ATRNL1: variants seen among roughly 807,000 people sequenced by gnomAD.
ATRNL1 encodes attractin-like protein 1.
Under a neutral mutation model 182.7 loss-of-function variants are expected in ATRNL1, and 95 were observed. That is an observed-to-expected ratio of 0.52 (90% CI 0.44 to 0.62). The LOEUF is 0.62. ATRNL1 is among the 20% of genes least tolerant of loss of function. The probability of loss-of-function intolerance (pLI) is 0.00; values close to 1 mark genes in which losing one functional copy is unlikely to be tolerated. For synonymous variants in ATRNL1, 576 were observed against 568.3 expected (o/e 1.01, Z -0.19); for missense variants, 1,471 against 1,679.5 (o/e 0.88, Z 2.17).
chr10:115,591,329 C>T (rs1184573659), intron 26 of ATRNL1, among the ~76,000 whole-genome samples: 2 of 152,034 alleles, frequency 1.3e-5, no homozygotes, highest in African/African-American at 4.8e-5. Flanking sequence ...AGAGTTACTC[C>T]AAAATTATGA....
intron 25 of ATRNL1, among the ~76,000 whole-genome samples, chr10:115,526,907 G>A (rs1554986708): frequency 6.6e-6 from 1 of 152,024 alleles, no homozygotes; most frequent in African/African-American, 2.4e-5. Context: ...TAACACCAGT[G>A]GTGTAGCCTT....
At position 115,786,801 on chromosome 10, in the gene ATRNL1, T is replaced by G. The variant is rs572075993; in HGVS notation, c.3903+59446T>G. ...ATATTAAGTTGCTATGGTGATAGTTTATTTATTTGACCTACTATCTGCATT... is the reference window on the plus strand; with the variant it reads ...ATATTAAGTTGCTATGGTGATAGTTGATTTATTTGACCTACTATCTGCATT... On this transcript the variant is annotated intron_variant, in intron 27 of 28. Transcript: ENST00000355044. 1.6e-3 allele frequency among the ~76,000 whole-genome samples: 244 copies of G among 152,310 alleles called. 11 individuals are homozygous for G. In the South Asian group the frequency reaches 0.049, roughly 31 times the overall value.
intron 19 of ATRNL1, among the ~76,000 whole-genome samples, chr10:115,389,405 C>T (rs549795926): frequency 1.2e-4 from 18 of 148,574 alleles, no homozygotes; most frequent in South Asian, 2.1e-4. Flanking sequence ...CCCAGCTACT[C>T]GGGAGGCTGA....
intron 26 of ATRNL1, among the ~76,000 whole-genome samples, chr10:115,663,908 T>G (rs569261469): frequency 2.6e-5 from 4 of 152,260 alleles, no homozygotes; most frequent in Admixed American, 1.3e-4. Flanking sequence ...ATTACTCCGA[T>G]GTAGCCAAAG....
At chr10:115,626,997 A>T (rs1455687284) in intron 26 of ATRNL1, among the ~76,000 whole-genome samples, 1 of 152,218 alleles carries the variant, frequency 6.6e-6, no homozygotes. Flanking sequence ...AAATATAATT[A>T]GGCACATAAA....
intron 20 of ATRNL1, among the ~76,000 whole-genome samples, chr10:115,403,212 A>T (rs1844654079): frequency 6.8e-6 from 1 of 146,834 alleles, no homozygotes; most frequent in Non-Finnish European, 1.5e-5. Context: ...TTAGATTTTT[A>T]AAAATAATGT....
At chr10:115,388,708 A>T (rs1843805385) in intron 19 of ATRNL1, among the ~76,000 whole-genome samples, 1 of 151,810 alleles carries the variant, frequency 6.6e-6, no homozygotes, top group Non-Finnish European at 1.5e-5. Context: ...TTTCTCTGTG[A>T]TGTGTTTCTC....
Position 115,628,386 on chromosome 10 carries a change from C to T in ATRNL1, c.3795+78850C>T, listed in dbSNP as rs188100229. On this transcript the variant is annotated intron_variant, in intron 26 of 28. Transcript: ENST00000355044. ...CATTTGTATATCTTTTTTGGAGAAA[C>T]GTCTATTCAAGTTCTTTGCCCATTT... is the stretch of plus-strand genomic sequence containing the variant. Among the ~76,000 whole-genome samples the T allele has an allele frequency of 8.8e-4, 134 of 152,004 alleles. 2 individuals carry two copies. The highest frequency in any genetic ancestry group is 2.8e-3 in the African/African-American group (117 of 41,478).
intron 26 of ATRNL1, among the ~76,000 whole-genome samples, chr10:115,620,445 C>T (rs1289132750): frequency 2.0e-5 from 3 of 152,262 alleles, no homozygotes; most frequent in East Asian, 1.9e-4. Flanking sequence ...AAAGGATGAT[C>T]GTTTTGCTTT....
At chr10:115,346,255 C>A (rs1342393519) in intron 19 of ATRNL1, among the ~76,000 whole-genome samples, 1 of 152,058 alleles carries the variant, frequency 6.6e-6, no homozygotes, top group Non-Finnish European at 1.5e-5. Context: ...TAAAAAATAG[C>A]TACCCACTCC....
chr10:115,326,932 T>C (rs1194627066), intron 18 of ATRNL1, among the ~76,000 whole-genome samples: 20 of 152,184 alleles, frequency 1.3e-4, no homozygotes, highest in African/African-American at 4.6e-4. Flanking sequence ...CAAAAATCAA[T>C]TGAAGATGGA....
chr10:115,867,524 A>C (rs1951465810), intron 28 of ATRNL1, among the ~76,000 whole-genome samples: 1 of 152,100 alleles, frequency 6.6e-6, no homozygotes, highest in African/African-American at 2.4e-5. Flanking sequence ...CTCTCACTGA[A>C]GTAGTCCTCT....
intron 28 of ATRNL1, among the ~76,000 whole-genome samples, chr10:115,942,485 C>T (rs951020964): frequency 2.0e-5 from 3 of 152,214 alleles, no homozygotes; most frequent in Non-Finnish European, 2.9e-5. Context: ...CCTTGACTCC[C>T]GCAACACTGC....
chr10:115,261,426 C>G (rs1209162377), intron 10 of ATRNL1, among the ~76,000 whole-genome samples: 6 of 151,840 alleles, frequency 4.0e-5, no homozygotes, highest in African/African-American at 1.5e-4. Context: ...GGAGGGAATC[C>G]TTATGATGAT....
chr10:115,366,981 C>G (rs1554946159), intron 19 of ATRNL1, among the ~76,000 whole-genome samples: 1 of 138,824 alleles, frequency 7.2e-6, no homozygotes. Context: ...TTTGGTGAAT[C>G]TGACAATTAT....
At chr10:115,779,174 C>G (rs1555078660) in intron 27 of ATRNL1, among the ~76,000 whole-genome samples, 1 of 152,138 alleles carries the variant, frequency 6.6e-6, no homozygotes. Flanking sequence ...AGCTTAGCAC[C>G]TGGGAGTTTG....
intron 1 of ATRNL1, among the ~76,000 whole-genome samples, chr10:115,107,624 C>T (rs1292635499): frequency 6.6e-6 from 1 of 152,168 alleles, no homozygotes; most frequent in African/African-American, 2.4e-5. Flanking sequence ...CTCCCATGGC[C>T]CTATTAGGCA....
At chr10:115,729,913 C>G (rs184445300) in intron 27 of ATRNL1, among the ~76,000 whole-genome samples, 1 of 152,072 alleles carries the variant, frequency 6.6e-6, no homozygotes, top group African/African-American at 2.4e-5. Flanking sequence ...TTTGCTCATG[C>G]ATTTCTTTTA....
intron 24 of ATRNL1, among the ~76,000 whole-genome samples, chr10:115,488,475 T>C (rs1263731824): frequency 1.3e-5 from 2 of 152,236 alleles, no homozygotes; most frequent in East Asian, 3.8e-4. Flanking sequence ...CAGGAATTTA[T>C]CCATTTCTTC....
Sources: allele counts gnomAD v4.1 joint callset (sites outside exome capture counted in the v4.1 genomes callset), GRCh38; gene constraint gnomAD v4.1.1; transcripts MANE v1.5; gene names NCBI Gene and HGNC (gene_info 2026-07-23, HGNC 2026-07-21).